CDYL2: variants seen among roughly 807,000 people sequenced by gnomAD.
CDYL2 encodes the protein chromodomain Y-like protein 2.
Under a neutral mutation model 49.4 loss-of-function variants are expected in CDYL2, and 23 were observed. The ratio of observed to expected loss-of-function variants is 0.47; its 90% CI spans 0.34 to 0.66. CDYL2 has a LOEUF of 0.66. CDYL2 is among the 30% of genes least tolerant of loss of function. The pLI is 0.01. For synonymous variants in CDYL2, 360 were observed against 268.8 expected (o/e 1.34, Z -3.32); for missense variants, 678 against 656.4 (o/e 1.03, Z -0.36).
intron 1 of CDYL2, among the ~76,000 whole-genome samples, chr16:80,694,983 C>T (rs1056362936): frequency 6.6e-6 from 1 of 152,222 alleles, no homozygotes; most frequent in Non-Finnish European, 1.5e-5. Flanking sequence ...GCAACATGCT[C>T]CTGATAATAA....
intron 1 of CDYL2, among the ~76,000 whole-genome samples, chr16:80,747,312 G>A (rs1331487132): frequency 2.0e-5 from 3 of 152,050 alleles, no homozygotes; most frequent in South Asian, 2.1e-4. Context: ...GCAGTTTCTC[G>A]GGAGGGAGGC....
At chr16:80,720,203 C>T (rs1228530237) in intron 1 of CDYL2, among the ~76,000 whole-genome samples, 1 of 152,170 alleles carries the variant, frequency 6.6e-6, no homozygotes, top group Non-Finnish European at 1.5e-5. Flanking sequence ...GAGGGCCCTT[C>T]TTCCAGTTCC....
At chr16:80,689,750 C>T (rs1048387775) in intron 1 of CDYL2, among the ~76,000 whole-genome samples, 4 of 152,198 alleles carry the variant, frequency 2.6e-5, no homozygotes, top group Non-Finnish European at 4.4e-5. Context: ...CCTCGCAGAC[C>T]GCCATCATGG....
At chr16:80,766,500 T>C (rs1390675328) in intron 1 of CDYL2, among the ~76,000 whole-genome samples, 2 of 152,180 alleles carry the variant, frequency 1.3e-5, no homozygotes, top group African/African-American at 4.8e-5. Context: ...AAAATAAAAC[T>C]TAGTTTCACC....
intron 2 of CDYL2, among the ~76,000 whole-genome samples, chr16:80,642,553 T>C: frequency 6.6e-6 from 1 of 152,172 alleles, no homozygotes; most frequent in East Asian, 1.9e-4. Context: ...CCTCATTGAA[T>C]TAGTCCGTTT....
intron 2 of CDYL2, among the ~76,000 whole-genome samples, chr16:80,674,662 C>G (rs761338847): frequency 1.3e-5 from 2 of 152,228 alleles, no homozygotes; most frequent in Non-Finnish European, 2.9e-5. Flanking sequence ...TACTTTCTGT[C>G]TCTACAGATT....
intron 1 of CDYL2, among the ~76,000 whole-genome samples, chr16:80,693,779 A>T (rs1910509822): frequency 6.6e-6 from 1 of 152,118 alleles, no homozygotes; most frequent in Admixed American, 6.5e-5. Context: ...TTTGTCAAAA[A>T]CCACAGAGCT....
intron 1 of CDYL2, among the ~76,000 whole-genome samples, chr16:80,750,854 TA>T (rs955828695): frequency 6.6e-6 from 1 of 151,902 alleles, no homozygotes; most frequent in African/African-American, 2.4e-5. Flanking sequence ...CCGTCTCTAC[TA>T]AAAAAATACA....
At chr16:80,678,512 T>C (rs1909845814) in intron 2 of CDYL2, among the ~76,000 whole-genome samples, 1 of 151,932 alleles carries the variant, frequency 6.6e-6, no homozygotes, top group Admixed American at 6.6e-5. Flanking sequence ...CATGAAAAAA[T>C]GCTCACCACC....
intron 1 of CDYL2, among the ~76,000 whole-genome samples, chr16:80,732,520 T>G (rs1427643522): frequency 6.6e-6 from 1 of 152,162 alleles, no homozygotes; most frequent in Non-Finnish European, 1.5e-5. Flanking sequence ...TGGAAGGAAG[T>G]TCACAAAACT....
chr16:80,662,135 T>A (rs1909070742), intron 2 of CDYL2, among the ~76,000 whole-genome samples: 1 of 152,218 alleles, frequency 6.6e-6, no homozygotes, highest in Non-Finnish European at 1.5e-5. Context: ...ACACTTGTTT[T>A]CTGCAATCCA....
At chr16:80,746,657 G>GA (rs1567593330) in intron 1 of CDYL2, among the ~76,000 whole-genome samples, 1 of 152,196 alleles carries the variant, frequency 6.6e-6, no homozygotes, top group Non-Finnish European at 1.5e-5. Context: ...GACAATCCAG[G>GA]AAAGAACACT....
chr16:80,617,597 G>A (rs1188517719), intron 4 of CDYL2, among the ~76,000 whole-genome samples: 1 of 152,166 alleles, frequency 6.6e-6, no homozygotes, highest in African/African-American at 2.4e-5. Context: ...GCACTCCCGA[G>A]TTGGGAGAGC....
intron 1 of CDYL2, among the ~76,000 whole-genome samples, chr16:80,732,081 T>G (rs1419039178): frequency 6.6e-6 from 1 of 152,178 alleles, no homozygotes; most frequent in Admixed American, 6.5e-5. Flanking sequence ...TCTCCAGAAT[T>G]AAATAGACAG....
intron 1 of CDYL2, among the ~76,000 whole-genome samples, chr16:80,786,509 G>C (rs1907440611): frequency 6.6e-6 from 1 of 152,232 alleles, no homozygotes; most frequent in Non-Finnish European, 1.5e-5. Flanking sequence ...CTTTTACACT[G>C]TCGATGGGAG....
chr16:80,729,506 A>C (rs1175042576), intron 1 of CDYL2, among the ~76,000 whole-genome samples: 9 of 152,212 alleles, frequency 5.9e-5, no homozygotes, highest in Admixed American at 1.3e-4. Context: ...ATAATGGGAG[A>C]CTTTAACACC....
chr16:80,636,584 G>C (rs1597139371), intron 2 of CDYL2, among the ~76,000 whole-genome samples: 1 of 152,204 alleles, frequency 6.6e-6, no homozygotes, highest in Non-Finnish European at 1.5e-5. Context: ...TGGAGAAATA[G>C]GAAGCTTTTA....
chr16:80,787,230 T>G (rs538555461), intron 1 of CDYL2, among the ~76,000 whole-genome samples: 5 of 152,240 alleles, frequency 3.3e-5, no homozygotes, highest in Admixed American at 3.3e-4. Flanking sequence ...GTGCCTTGAA[T>G]GGCAGCAGGG....
At chr16:80,756,255 G>T (rs1906306332) in intron 1 of CDYL2, among the ~76,000 whole-genome samples, 1 of 151,964 alleles carries the variant, frequency 6.6e-6, no homozygotes, top group Admixed American at 6.6e-5. Flanking sequence ...ACCAAATAGT[G>T]GTCCAACTCA....
Sources: allele counts gnomAD v4.1 joint callset (sites outside exome capture counted in the v4.1 genomes callset), GRCh38; gene constraint gnomAD v4.1.1; transcripts MANE v1.5; gene names NCBI Gene and HGNC (gene_info 2026-07-23, HGNC 2026-07-21).